The following AGBL1 variants were observed in gnomAD, a reference collection of about 807,000 sequenced individuals.
The protein encoded by AGBL1 is AGBL carboxypeptidase 1, also known as cytosolic carboxypeptidase 4.
A neutral mutation model predicts 118.9 loss-of-function variants in AGBL1; 130 were observed. The observed-to-expected ratio is 1.09, with a 90% CI of 0.95 to 1.26. The LOEUF is 1.26. Among genes scored for constraint, AGBL1 ranks in the 50% most tolerant of loss-of-function variants. The probability of loss-of-function intolerance (pLI) is 0.00; values close to 1 mark genes in which losing one functional copy is unlikely to be tolerated. For missense variants in AGBL1, 1,584 were observed against 1,298.1 expected, an observed-to-expected ratio of 1.22 and a Z score of -3.38; for synonymous variants, 555 against 478.9, an observed-to-expected ratio of 1.16 and a Z score of -2.08.
chr15:86,841,647 A>T (rs1290096961), intron 22 of AGBL1, among the ~76,000 whole-genome samples: 1 of 151,990 alleles, frequency 6.6e-6, no homozygotes, highest in African/African-American at 2.4e-5. Context: ...GGAGTTTGAG[A>T]CCAGCCTGAC....
chr15:86,456,790 G>T (rs1193756904), intron 18 of AGBL1, among the ~76,000 whole-genome samples: 1 of 152,128 alleles, frequency 6.6e-6, no homozygotes, highest in East Asian at 1.9e-4. Flanking sequence ...TTTTTTTAAT[G>T]AAATGTCAGT....
At chr15:86,799,738 A>C (rs1395537084) in intron 22 of AGBL1, among the ~76,000 whole-genome samples, 1 of 152,194 alleles carries the variant, frequency 6.6e-6, no homozygotes, top group Non-Finnish European at 1.5e-5. Flanking sequence ...TTGACTCCAC[A>C]AGCCATTTTG....
intron 17 of AGBL1, among the ~76,000 whole-genome samples, chr15:86,329,006 G>A (rs2080229745): frequency 6.6e-6 from 1 of 152,200 alleles, no homozygotes; most frequent in South Asian, 2.1e-4. Context: ...AGCCAGAACT[G>A]TAGACAGTGC....
intron 22 of AGBL1, among the ~76,000 whole-genome samples, chr15:86,840,003 G>C (rs1359888342): frequency 1.3e-5 from 2 of 152,124 alleles, no homozygotes; most frequent in South Asian, 2.1e-4. Flanking sequence ...AAGGTTTATA[G>C]TATCTCAGTA....
Position 86,158,934 on chromosome 15 carries a change from C to A in AGBL1, c.396C>A (p.Val132=). ...CTACTGTGCTTTTGTTTTTCTTAGT[C>A]TCCATGGGAGCCATGCTGGGAATTA... ...LWALRVFASS[V]SMGAMLGING... is the part of the protein sequence containing the mutation. The change falls in exon 5 of 23, where the codon GTC becomes GTA. Residue 132 remains valine, a splice_region_variant and synonymous_variant. Transcript: ENST00000614907. The A allele has an allele frequency of 6.2e-7, 1 of 1,613,070 alleles. No individual in the cohort carries two copies. Among genetic ancestry groups the A allele is most frequent in the Non-Finnish European group, 8.5e-7 (1 of 1,179,228 alleles).
At chr15:86,136,948 A>T (rs1323076656) in intron 1 of AGBL1, among the ~76,000 whole-genome samples, 1 of 152,138 alleles carries the variant, frequency 6.6e-6, no homozygotes, top group Non-Finnish European at 1.5e-5. Flanking sequence ...ACATTTTTTT[A>T]TAGGATTTTT....
intron 22 of AGBL1, among the ~76,000 whole-genome samples, chr15:86,838,789 A>T (rs1045507142): frequency 7.9e-5 from 12 of 151,428 alleles, no homozygotes; most frequent in South Asian, 4.2e-4. Context: ...AAAAAAATTT[A>T]AAAAAATAGT....
In AGBL1 at chr15:86,827,485, GTGTGTATATATATATA is replaced by G. The variant is rs2079042158; in HGVS notation, c.3159-79600_3159-79585del. On this transcript the variant is annotated intron_variant, in intron 22 of 22. Coordinates refer to ENST00000614907, the MANE Select transcript of AGBL1 (RefSeq NM_001386094.1). Reference sequence around the variant, plus strand: ...TATATATATACATATATATATATATGTGTGTATATATATATATATATATATATATATATATAGCCTG... The same window carrying G: ...TATATATATACATATATATATATATGTATATATATATATATATATAGCCTG... Among the ~76,000 whole-genome samples the G allele has an allele frequency of 5.4e-3, 21 of 3,870 alleles. 2 individuals carry two copies. In the East Asian group the frequency reaches 0.11, roughly 20 times the overall value. The allele number at this position is 3,870 out of a possible 152,430, so 2.5% of individuals were successfully genotyped here.
At position 86,435,236 on chromosome 15, in the gene AGBL1, T is replaced by G. The variant is rs2081987726; in HGVS notation, c.2555+37690T>G. Among the ~76,000 whole-genome samples, 3 of 152,240 alleles carry G rather than the reference T, an allele frequency of 2.0e-5. No homozygotes were observed. The South Asian group carries it at 6.2e-4, about 31-fold the overall frequency. On this transcript the variant is annotated intron_variant, in intron 18 of 22. Transcript: ENST00000614907. Reference sequence around the variant, plus strand: ...TGCATATTAAATTTTCTGTCCCTTTTTCCATTTATGTTCTTGATGTTTTCA... The same window carrying G: ...TGCATATTAAATTTTCTGTCCCTTTGTCCATTTATGTTCTTGATGTTTTCA...
intron 23 of AGBL1, among the ~76,000 whole-genome samples, chr15:86,949,836 T>C (rs931824910): frequency 6.6e-6 from 1 of 152,224 alleles, no homozygotes; most frequent in African/African-American, 2.4e-5. Context: ...CTATACCCAA[T>C]GATAGCAAAA....
intron 15 of AGBL1, among the ~76,000 whole-genome samples, chr15:86,273,966 G>A (rs1039116): frequency 0.72 from 109,584 of 152,110 alleles, 40,186 homozygotes; most frequent in African/African-American, 0.84. Flanking sequence ...AGGGCCAATC[G>A]TCATCAAATA....
chr15:86,986,913 A>T (rs568005484), intron 23 of AGBL1, among the ~76,000 whole-genome samples: 4 of 151,806 alleles, frequency 2.6e-5, no homozygotes, highest in Non-Finnish European at 5.9e-5. Flanking sequence ...GCCAAAGGAG[A>T]TATGGGTGGG....
intron 1 of AGBL1, among the ~76,000 whole-genome samples, chr15:86,128,768 T>C (rs1057076167): frequency 1.3e-5 from 2 of 152,232 alleles, no homozygotes; most frequent in Admixed American, 1.3e-4. Flanking sequence ...TGTACTTATG[T>C]AGCAGAATGA....
chr15:86,755,556 G>T (rs770821855), intron 22 of AGBL1, among the ~76,000 whole-genome samples: 3 of 152,154 alleles, frequency 2.0e-5, no homozygotes, highest in Admixed American at 6.6e-5. Flanking sequence ...ATTTTAGGTT[G>T]ACCTCAAAGT....
intron 21 of AGBL1, among the ~76,000 whole-genome samples, chr15:86,617,793 C>G (rs567386611): frequency 4.9e-5 from 7 of 143,974 alleles, no homozygotes; most frequent in African/African-American, 7.5e-5. Flanking sequence ...CACACACACA[C>G]AGCCAGCCAG....
chr15:86,219,823 T>C (rs2078250201), intron 5 of AGBL1, among the ~76,000 whole-genome samples: 1 of 151,926 alleles, frequency 6.6e-6, no homozygotes, highest in Non-Finnish European at 1.5e-5. Flanking sequence ...ATTTGAAAGA[T>C]AAAAATATTG....
intron 24 of AGBL1, among the ~76,000 whole-genome samples, chr15:87,004,263 T>C (rs555429404): frequency 1.3e-5 from 2 of 151,968 alleles, no homozygotes; most frequent in East Asian, 1.9e-4. Flanking sequence ...AGTTTCCATG[T>C]AGCTGAGTGG....
chr15:86,327,762 T>G (rs1406602266), intron 17 of AGBL1, among the ~76,000 whole-genome samples: 1 of 152,190 alleles, frequency 6.6e-6, no homozygotes. Flanking sequence ...TATTTACAAA[T>G]GAACCTTAGG....
intron 3 of AGBL1, among the ~76,000 whole-genome samples, chr15:86,148,002 A>G: frequency 6.6e-6 from 1 of 152,226 alleles, no homozygotes; most frequent in East Asian, 1.9e-4. Context: ...TCTGGAGTGG[A>G]ACTCCAGCAA....
Sources: allele counts gnomAD v4.1 joint callset (sites outside exome capture counted in the v4.1 genomes callset), GRCh38; gene constraint gnomAD v4.1.1; transcripts MANE v1.5; gene names NCBI Gene and HGNC (gene_info 2026-07-23, HGNC 2026-07-21).